The following SF3B3 variants were observed in gnomAD, a reference collection of about 807,000 sequenced individuals.
The protein encoded by SF3B3 is splicing factor 3b subunit 3.
A neutral mutation model predicts 139.2 loss-of-function variants in SF3B3; 33 were observed. The observed-to-expected ratio is 0.24, with a 90% CI of 0.18 to 0.32. The LOEUF is 0.32. Ranked by LOEUF, SF3B3 falls within the 10% of genes least tolerant of loss-of-function variation. The pLI is 1.00. For synonymous variants in SF3B3, 596 were observed against 563.6 expected (o/e 1.06, Z -0.81); for missense variants, 818 against 1,509.4 (o/e 0.54, Z 7.59).
chr16:70,531,400 C>T (rs1027218043), intron 4 of SF3B3, among the ~76,000 whole-genome samples: 6 of 152,268 alleles, frequency 3.9e-5, no homozygotes, highest in African/African-American at 1.4e-4. Flanking sequence ...GCCTCAGCCT[C>T]CTGAGTAGCT....
intron 23 of SF3B3, chr16:70,569,800 G>T: frequency 1.9e-6 from 1 of 532,534 alleles, no homozygotes; most frequent in East Asian, 3.4e-5. Flanking sequence ...GGCAGATTTT[G>T]TGGGTATGGG....
Position 70,574,552 on chromosome 16 carries a change from G to C in SF3B3, c.*2739G>C, listed in dbSNP as rs1163901170. 2 of 152,226 alleles carry C rather than the reference G, an allele frequency of 1.3e-5. No homozygotes were observed. Among genetic ancestry groups the C allele is most frequent in the African/African-American group, 4.8e-5 (2 of 41,448 alleles). 9.4% of individuals were successfully genotyped at this position (152,226 alleles called of 1,614,324 possible). A position where few individuals can be genotyped will look rare whatever the true frequency, so the allele number is the denominator to read the frequency against. On this transcript the variant is annotated 3_prime_UTR_variant, in exon 26 of 26. Coordinates refer to ENST00000302516, the MANE Select transcript of SF3B3 (RefSeq NM_012426.5). ...CTCTCTCTCTTGACCAGGCTAGAGG[G>C]CTGTGGTGCGATCTCAGCCCACTGC...
intron 9 of SF3B3, among the ~76,000 whole-genome samples, chr16:70,542,795 C>T (rs1485552670): frequency 6.7e-6 from 1 of 150,074 alleles, no homozygotes; most frequent in African/African-American, 2.5e-5. Context: ...GATCTCGGCT[C>T]ACTGCAAGTT....
rs200151222 is a variant in SF3B3 at position 70,561,650 on chromosome 16, C to T, written c.2154C>T (p.Arg718=). Residue 718 remains arginine (R), a synonymous_variant, in exon 17 of 26, where the codon CGC becomes CGT. Coordinates refer to ENST00000302516, the MANE Select transcript of SF3B3 (RefSeq NM_012426.5). The part of the protein sequence containing the change: ...GQEAVLAMSS[R]SWLSYSYQSR... The stretch of plus-strand genomic sequence containing the variant: ...CTCAGGTATTGGCCATGTCAAGCCG[C>T]TCATGGTTGAGCTATTCTTACCAAT... 39 of 1,613,978 alleles carry T rather than the reference C, an allele frequency of 2.4e-5. No individual in the cohort carries two copies. Among genetic ancestry groups the T allele is most frequent in the Admixed American group, 8.3e-5 (5 of 59,992 alleles).
intron 10 of SF3B3, 72 bp downstream of exon 10, chr16:70,544,605 T>C: frequency 1.2e-6 from 1 of 843,044 alleles, no homozygotes; most frequent in Non-Finnish European, 2.0e-6. Context: ...ATGGGTTTAC[T>C]CTGATGTTGT....
intron 8 of SF3B3, among the ~76,000 whole-genome samples, chr16:70,539,546 CT>C (rs1273720563): frequency 3.2e-5 from 4 of 124,654 alleles, no homozygotes; most frequent in African/African-American, 5.4e-5. Context: ...GAAACTCTCT[CT>C]CAAAAAAAAA....
Position 70,560,603 on chromosome 16 carries a change from A to T in SF3B3, c.2133+12A>T. The T allele has an allele frequency of 6.2e-7, 1 of 1,612,538 alleles. No individual in the cohort carries two copies. Among genetic ancestry groups the T allele is most frequent in the Non-Finnish European group, 8.5e-7 (1 of 1,178,886 alleles). ...AAGGCCAGGAGGCAGTAAGTAATGA[A>T]GGTTGGGGACAGGCAACATCTTTGG... On this transcript the variant is annotated intron_variant, in intron 16 of 25. Transcript: ENST00000302516.
At position 70,565,449 on chromosome 16, in the gene SF3B3, C is replaced by T. The variant is rs775509361; in HGVS notation, c.2751C>T (p.Pro917=). ...VGVAKDLILN[P]RSVAGGFVYT... ...TGGCCAAGGACCTGATACTAAACCC[C>T]CGATCTGTGGCAGGGGGCTTCGTCT... is the stretch of plus-strand genomic sequence containing the variant. Residue 917 remains proline (P), a synonymous_variant, in exon 20 of 26, where the codon CCC becomes CCT. Transcript: ENST00000302516. 24 of 1,614,148 alleles carry T rather than the reference C, an allele frequency of 1.5e-5. No homozygotes were observed. Among genetic ancestry groups the T allele is most frequent in the Middle Eastern group, 1.7e-4 (1 of 6,058 alleles).
chr16:70,565,989 C>T (rs2050472323), intron 20 of SF3B3, among the ~76,000 whole-genome samples: 1 of 152,008 alleles, frequency 6.6e-6, no homozygotes, highest in Non-Finnish European at 1.5e-5. Flanking sequence ...TGGCGGCACG[C>T]ACCTGTAATC....
At chr16:70,530,703 A>C (rs762581424) in intron 3 of SF3B3, 42 bp from the exon 4 acceptor site, 1 of 1,530,984 alleles carries the variant, frequency 6.5e-7, no homozygotes, top group South Asian at 1.2e-5. Flanking sequence ...CTCTCTTCTC[A>C]TTATCTGGGA....
chr16:70,544,414 T>C lies in SF3B3; in HGVS notation c.1234-24T>C, dbSNP rs768390534. ...TGAAAACAGCACTGGAGACATTTTT[T>C]CCTCTAACTTTTTCTCTGTGCAGAT... On this transcript the variant is annotated intron_variant, in intron 9 of 25. Coordinates refer to ENST00000302516, the MANE Select transcript of SF3B3 (RefSeq NM_012426.5). The C allele has an allele frequency of 6.8e-5, 98 of 1,446,836 alleles. No homozygotes were observed. In the African/African-American group the frequency reaches 1.3e-3, roughly 19 times the overall value. 89.6% of individuals were successfully genotyped at this position (1,446,836 alleles called of 1,614,324 possible).
At chr16:70,562,524 T>G (rs757347536) in intron 17 of SF3B3, among the ~76,000 whole-genome samples, 1 of 152,216 alleles carries the variant, frequency 6.6e-6, no homozygotes, top group African/African-American at 2.4e-5. Flanking sequence ...TCCAGCAGAA[T>G]TGATCTCCCT....
In SF3B3 at chr16:70,535,330, A is replaced by G. The variant is rs780370390; in HGVS notation, c.735A>G (p.Pro245=). The G allele has an allele frequency of 8.1e-6, 13 of 1,596,420 alleles. No individual in the cohort carries two copies. Among genetic ancestry groups the G allele is most frequent in the Non-Finnish European group, 1.0e-5 (12 of 1,170,206 alleles). ...CAGTTCCAGGAGGGTCAGATGGTCC[A>G]AGTGGAGTACTGATCTGCTCTGAAA... ...LITVPGGSDG[P]SGVLICSENY... is the part of the protein sequence containing the mutation. The change falls in exon 6 of 26, where the codon CCA becomes CCG. Residue 245 remains proline, a synonymous_variant. Coordinates refer to ENST00000302516, the MANE Select transcript of SF3B3 (RefSeq NM_012426.5).
chr16:70,559,047 G>A (rs1266679162), intron 15 of SF3B3, among the ~76,000 whole-genome samples: 4 of 152,184 alleles, frequency 2.6e-5, no homozygotes, highest in East Asian at 3.8e-4. Context: ...GTTGCATCAC[G>A]TCAGGAGGAG....
At chr16:70,532,651 T>A in intron 5 of SF3B3, 31 bp downstream of exon 5, 2 of 1,604,702 alleles carry the variant, frequency 1.2e-6, no homozygotes, top group Non-Finnish European at 1.7e-6. Context: ...CTTTGTACCC[T>A]TTTACTTGGT....
chr16:70,532,357 C>CAAAA lies in SF3B3; in HGVS notation c.571-115_571-112dup, dbSNP rs10524385. The CAAAA allele has an allele frequency of 3.0e-4, 157 of 522,534 alleles. 2 individuals are homozygous for CAAAA. Among genetic ancestry groups the CAAAA allele is most frequent in the African/African-American group, 1.6e-3 (47 of 29,056 alleles). 32.4% of individuals were successfully genotyped at this position (522,534 alleles called of 1,614,324 possible). ...GTGACATAGTGAGAACCTGTCTCTC[C>CAAAA]AAAAAAAAAAGAAGACATTTGTGGA... On this transcript the variant is annotated intron_variant, in intron 4 of 25. Transcript: ENST00000302516.
chr16:70,547,041 T>TAAA (rs1339038913), intron 10 of SF3B3, among the ~76,000 whole-genome samples: 5 of 150,448 alleles, frequency 3.3e-5, no homozygotes, highest in African/African-American at 1.3e-4. Context: ...AAAAAAAAAT[T>TAAA]TTTTTTTAAA....
chr16:70,553,546 T>C (rs1036675365), intron 11 of SF3B3, among the ~76,000 whole-genome samples: 1 of 152,118 alleles, frequency 6.6e-6, no homozygotes, highest in Non-Finnish European at 1.5e-5. Context: ...TAGGAAAATC[T>C]CAACTCTTTT....
At chr16:70,530,000 G>C (rs1187291146) in intron 3 of SF3B3, among the ~76,000 whole-genome samples, 1 of 103,236 alleles carries the variant, frequency 9.7e-6, no homozygotes, top group Non-Finnish European at 1.9e-5. Context: ...TGGGTGTGGT[G>C]GTGGGTGCCT....
Sources: gnomAD v4.1 joint callset for allele counts (sites outside exome capture counted in the v4.1 genomes callset) on GRCh38, gnomAD v4.1.1 for gene constraint, MANE v1.5 for transcripts, NCBI Gene and HGNC (gene_info 2026-07-23, HGNC 2026-07-21) for gene names.